The following CLNK variants were observed in gnomAD, a reference collection of about 807,000 sequenced individuals.
The protein encoded by CLNK is cytokine-dependent hematopoietic cell linker.
A neutral mutation model predicts 68.6 loss-of-function variants in CLNK; 74 were observed. That is an observed-to-expected ratio of 1.08 (90% CI 0.89 to 1.31). CLNK has a LOEUF of 1.31. Among genes scored for constraint, CLNK ranks in the 50% most tolerant of loss-of-function variants. The pLI, the probability that CLNK is intolerant of heterozygous loss-of-function variation, is 0.00. For synonymous variants in CLNK, 198 were observed against 172.2 expected (o/e 1.15, Z -1.17); for missense variants, 553 against 515.3 (o/e 1.07, Z -0.71).
At chr4:10,643,920 C>G (rs766628125) in intron 2 of CLNK, among the ~76,000 whole-genome samples, 1 of 152,208 alleles carries the variant, frequency 6.6e-6, no homozygotes, top group Non-Finnish European at 1.5e-5. Context: ...TTGTGAATCT[C>G]AGTGAGCTTG....
intron 2 of CLNK, among the ~76,000 whole-genome samples, chr4:10,632,902 A>G (rs1477413320): frequency 6.6e-6 from 1 of 152,244 alleles, no homozygotes; most frequent in Non-Finnish European, 1.5e-5. Context: ...TAGCTAACTC[A>G]TAACAGAAGC....
intron 2 of CLNK, among the ~76,000 whole-genome samples, chr4:10,654,032 C>T (rs544077571): frequency 8.3e-5 from 12 of 144,400 alleles, no homozygotes; most frequent in South Asian, 4.7e-4. Flanking sequence ...AAAGGTCCAA[C>T]GTATTCCCCA....
At chr4:10,555,586 T>C (rs964771921) in intron 8 of CLNK, among the ~76,000 whole-genome samples, 7 of 152,192 alleles carry the variant, frequency 4.6e-5, no homozygotes, top group South Asian at 2.1e-4. Flanking sequence ...AATCTGACAG[T>C]TTACAGATAA....
At chr4:10,499,435 TCGC>T (rs780079056) in intron 18 of CLNK, among the ~76,000 whole-genome samples, 1 of 152,186 alleles carries the variant, frequency 6.6e-6, no homozygotes, top group Non-Finnish European at 1.5e-5. Context: ...GACCTCATGG[TCGC>T]CTCACAGGTG....
chr4:10,569,761 TG>T (rs566579528), intron 5 of CLNK, among the ~76,000 whole-genome samples: 79 of 152,334 alleles, frequency 5.2e-4, no homozygotes, highest in African/African-American at 1.8e-3. Context: ...CTCTTGATCT[TG>T]CATTCTTGGA....
At chr4:10,618,021 T>C (rs1209185888) in intron 2 of CLNK, among the ~76,000 whole-genome samples, 1 of 152,188 alleles carries the variant, frequency 6.6e-6, no homozygotes, top group East Asian at 1.9e-4. Context: ...ATACCACTCT[T>C]AGGTATCTAC....
intron 2 of CLNK, among the ~76,000 whole-genome samples, chr4:10,643,216 G>C (rs1455802534): frequency 6.6e-6 from 1 of 152,154 alleles, no homozygotes; most frequent in Non-Finnish European, 1.5e-5. Context: ...TCCCTGTGAT[G>C]GCTGCAGAGA....
rs1287297087 is a variant in CLNK at position 10,584,933 on chromosome 4, C to T, written c.106G>A (p.Ala36Thr). ...KNRSWPRINS[A>T]TGQYQRMNKP... is the part of the protein sequence containing the mutation. ...ACAGAGAGCCCCGACTCACCTGTGG[C>T]ACTATTGATGCGAGGCCATGACCTA... The change falls in exon 4 of 19, where the codon GCC (alanine) becomes ACC (threonine). Residue 36 changes from alanine to threonine, a missense_variant. Physicochemically the swap from Ala to Thr is moderately conservative, Grantham distance 58 (BLOSUM62 0). Coordinates refer to ENST00000226951, the MANE Select transcript of CLNK (RefSeq NM_052964.4). 6.2e-7 allele frequency: 1 copy of T among 1,613,692 alleles called. No homozygotes were observed. The highest frequency in any genetic ancestry group is 2.2e-5 in the East Asian group (1 of 44,894).
rs142204212 is a variant in CLNK at position 10,573,774 on chromosome 4, C to T, written c.113-1996G>A. Among the ~76,000 whole-genome samples the T allele has an allele frequency of 3.7e-3, 566 of 152,280 alleles. 14 individuals are homozygous for T. The highest frequency in any genetic ancestry group is 0.033 in the Admixed American group (504 of 15,300). On this transcript the variant is annotated intron_variant, in intron 4 of 18. Coordinates refer to ENST00000226951, the MANE Select transcript of CLNK (RefSeq NM_052964.4). Reference sequence around the variant, plus strand: ...GGTCTCCTTTCTCACCAGAGGCGAGCGTTCCAGCCTGAGACTCTCCCAGAT... The same window carrying T: ...GGTCTCCTTTCTCACCAGAGGCGAGTGTTCCAGCCTGAGACTCTCCCAGAT...
chr4:10,547,141 G>A (rs1423255037), intron 8 of CLNK, among the ~76,000 whole-genome samples: 1 of 152,154 alleles, frequency 6.6e-6, no homozygotes. Flanking sequence ...GTTTCAACAT[G>A]AGATTTGGAA....
chr4:10,709,659 G>T, the CLNK span, among the ~76,000 whole-genome samples: 4 of 152,004 alleles, frequency 2.6e-5, no homozygotes, highest in African/African-American at 9.7e-5. Flanking sequence ...CTTGTAACTT[G>T]CTCTGGGCAA....
At chr4:10,533,114 C>T (rs978086619) in intron 11 of CLNK, among the ~76,000 whole-genome samples, 8 of 151,974 alleles carry the variant, frequency 5.3e-5, no homozygotes, top group South Asian at 2.1e-4. Context: ...AAAGATTAGC[C>T]GGGTGTGATG....
chr4:10,495,599 G>C (rs147345234), intron 18 of CLNK, among the ~76,000 whole-genome samples: 13 of 152,284 alleles, frequency 8.5e-5, no homozygotes, highest in African/African-American at 3.1e-4. Context: ...CCAGAATCTG[G>C]AATATGACCT....
At chr4:10,540,218 G>A (rs1236981689) in intron 11 of CLNK, among the ~76,000 whole-genome samples, 1 of 152,198 alleles carries the variant, frequency 6.6e-6, no homozygotes, top group Non-Finnish European at 1.5e-5. Context: ...TTTGGACACA[G>A]GTTCTCTCAC....
intron 2 of CLNK, among the ~76,000 whole-genome samples, chr4:10,601,639 C>T (rs958670285): frequency 1.3e-5 from 2 of 152,128 alleles, no homozygotes; most frequent in African/African-American, 4.8e-5. Flanking sequence ...GATCTGACCT[C>T]GAAAGGAGAT....
rs928318737 is a variant in CLNK, at chr4:10,675,381, C to A, written c.-42-7470G>T. Among the ~76,000 whole-genome samples, 8 of 152,096 alleles carry A rather than the reference C, an allele frequency of 5.3e-5. No individual in the cohort carries two copies. The East Asian group carries it at 1.3e-3, about 26-fold the overall frequency. The stretch of plus-strand genomic sequence containing the variant: ...GTTTTATAAATAGGCTGGATTTTCA[C>A]GTGTCTTAATTCAAAAATAATTAAT... On this transcript the variant is annotated intron_variant, in intron 1 of 18. Transcript: ENST00000226951.
At chr4:10,571,326 C>CTTT (rs60429766) in intron 5 of CLNK, among the ~76,000 whole-genome samples, 6 of 64,614 alleles carry the variant, frequency 9.3e-5, no homozygotes, top group African/African-American at 2.5e-4. Context: ...GTTGCTGTTG[C>CTTT]TTTTTTTTTT....
At chr4:10,631,886 G>A (rs1386320649) in intron 2 of CLNK, among the ~76,000 whole-genome samples, 2 of 152,128 alleles carry the variant, frequency 1.3e-5, no homozygotes, top group Non-Finnish European at 2.9e-5. Context: ...GGACAATTGG[G>A]TAAGGATTCA....
chr4:10,633,191 GC>G (rs1722956011), intron 2 of CLNK, among the ~76,000 whole-genome samples: 1 of 152,184 alleles, frequency 6.6e-6, no homozygotes, highest in South Asian at 2.1e-4. Context: ...GCCTGCCTCG[GC>G]CTCCCAAAGT....
Sources: gnomAD v4.1 joint callset for allele counts (sites outside exome capture counted in the v4.1 genomes callset) on GRCh38, gnomAD v4.1.1 for gene constraint, MANE v1.5 for transcripts, NCBI Gene and HGNC (gene_info 2026-07-23, HGNC 2026-07-21) for gene names.